The following PARP2 variants were observed in gnomAD, a reference collection of about 807,000 sequenced individuals.
PARP2 encodes the protein poly [ADP-ribose] polymerase 2.
PARP2 carries 57 observed loss-of-function variants against 77.8 expected under a neutral mutation model. The ratio of observed to expected loss-of-function variants is 0.73; its 90% CI spans 0.59 to 0.91. PARP2 has a LOEUF of 0.91. PARP2 is among the 40% of genes least tolerant of loss of function. The pLI is 0.00. For synonymous variants in PARP2, 226 were observed against 242.6 expected (o/e 0.93, Z 0.64); for missense variants, 651 against 689.0 (o/e 0.94, Z 0.62).
chr14:20,354,981 C>A, intron 9 of PARP2, 34 bp downstream of exon 9: 1 of 1,584,768 alleles, frequency 6.3e-7, no homozygotes, highest in Non-Finnish European at 8.6e-7. Flanking sequence ...CTTTGTTCTT[C>A]TACCTATACA....
intron 1 of PARP2, among the ~76,000 whole-genome samples, chr14:20,343,890 T>C (rs1883609121): frequency 6.6e-6 from 1 of 152,234 alleles, no homozygotes; most frequent in Non-Finnish European, 1.5e-5. Flanking sequence ...TGCGGAGCTG[T>C]AACAACTAAT....
chr14:20,345,968 T>C (rs773877987), intron 3 of PARP2, among the ~76,000 whole-genome samples: 6 of 152,106 alleles, frequency 3.9e-5, no homozygotes, highest in Non-Finnish European at 8.8e-5. Flanking sequence ...GTGAATTCAC[T>C]CACTATCAAG....
Position 20,357,388 on chromosome 14 carries a change from C to T in PARP2, c.1429-8C>T, listed in dbSNP as rs1884196652. The T allele has an allele frequency of 3.2e-6, 5 of 1,586,496 alleles. No homozygotes were observed. Among genetic ancestry groups the T allele is most frequent in the East Asian group, 4.5e-5 (2 of 44,710 alleles). ...GATATGGGAATTCAAAGGTTTTTTG[C>T]TTTGCAGGTAGCTCTAGGTCAGTGT... On this transcript the variant is annotated splice_polypyrimidine_tract_variant and splice_region_variant and intron_variant, in intron 14 of 15. Transcript: ENST00000429687.
In PARP2 at chr14:20,355,112, C is replaced by G. The variant is rs560794277; in HGVS notation, c.902+165C>G. ...ATAGGTAGCCTATTTAATCAGCTTA[C>G]AAATATGGGATGCAATCTCCCGGCT... On this transcript the variant is annotated intron_variant, in intron 9 of 15. Coordinates refer to ENST00000429687, the MANE Select transcript of PARP2 (RefSeq NM_001042618.2). 4.4e-5 allele frequency: 27 copies of G among 611,070 alleles called. No homozygotes were observed. In the African/African-American group the frequency reaches 5.1e-4, roughly 11 times the overall value. The allele number at this position is 611,070 out of a possible 1,614,324, so 37.9% of individuals were successfully genotyped here.
Position 20,357,654 on chromosome 14 carries a change from C to T in PARP2, c.1570C>T (p.Pro524Ser). 1 of 1,613,222 alleles carries T rather than the reference C, an allele frequency of 6.2e-7. No individual in the cohort carries two copies. The highest frequency in any genetic ancestry group is 8.5e-7 in the Non-Finnish European group (1 of 1,179,722). Residue 524 changes from proline to serine, a missense_variant, in exon 16 of 16, where the codon CCA (proline) becomes TCA (serine). By Grantham distance (74) the Pro-to-Ser change is moderately conservative. Transcript: ENST00000429687. ...ATTTGGCAGGAATGGGAGTACAGTG[C>T]CATTAGGACCAGCAAGTGACACAGG... ...HFVTLNGSTV[P>S]LGPASDTGIL...
At chr14:20,347,378 A>G (rs1264721009) in intron 4 of PARP2, among the ~76,000 whole-genome samples, 263 of 14,238 alleles carry the variant, frequency 0.018, 16 homozygotes, top group African/African-American at 0.031. Context: ...ATATATATAT[A>G]TATATATATA....
At chr14:20,355,711 C>G in intron 9 of PARP2, 41 bp from the exon 10 acceptor site, 3 of 1,521,950 alleles carry the variant, frequency 2.0e-6, no homozygotes, top group Non-Finnish European at 2.7e-6. Context: ...CTTTTAGCCA[C>G]ATGTCAGAAA....
intron 3 of PARP2, 30 bp downstream of exon 3, chr14:20,345,494 C>T (rs753256820): frequency 1.3e-6 from 2 of 1,531,210 alleles, no homozygotes; most frequent in Non-Finnish European, 1.8e-6. Context: ...ATCTTCAGTC[C>T]ATGGATATCT....
intron 5 of PARP2, 142 bp from the exon 6 acceptor site, chr14:20,350,905 A>G (rs1167182991): frequency 1.5e-6 from 1 of 658,094 alleles, no homozygotes; most frequent in Non-Finnish European, 2.7e-6. Context: ...AGTAACTTGT[A>G]TCAACATGAT....
At chr14:20,350,897 TAACTTGTATC>T in intron 5 of PARP2, 140 bp from the exon 6 acceptor site, 2 of 644,284 alleles carry the variant, frequency 3.1e-6, no homozygotes, top group Non-Finnish European at 5.5e-6. Context: ...AGTTAGCAAG[TAACTTGTATC>T]AACATGATTA....
At chr14:20,355,596 G>T (rs1021891548) in intron 9 of PARP2, 156 bp from the exon 10 acceptor site, 7 of 545,460 alleles carry the variant, frequency 1.3e-5, no homozygotes, top group Non-Finnish European at 2.3e-5. Flanking sequence ...ATATTTGGAA[G>T]TTAAGATCTC....
intron 4 of PARP2, among the ~76,000 whole-genome samples, chr14:20,347,870 CA>C (rs1332342525): frequency 1.9e-4 from 26 of 136,582 alleles, no homozygotes; most frequent in African/African-American, 9.0e-4. Context: ...TCCTTTTGCA[CA>C]TTTTTTTTTT....
chr14:20,356,556 AC>A, intron 12 of PARP2, 33 bp from the exon 13 acceptor site: 1 of 1,598,732 alleles, frequency 6.3e-7, no homozygotes, highest in South Asian at 1.1e-5. Context: ...TCTGTGCAGA[AC>A]AACAGAGTAC....
In PARP2 at chr14:20,351,070, C is replaced by T; in HGVS notation, c.445C>T (p.Leu149=). 6.2e-7 allele frequency: 1 copy of T among 1,614,096 alleles called. No homozygotes were observed. Among genetic ancestry groups the T allele is most frequent in the African/African-American group, 1.3e-5 (1 of 75,052 alleles). ...AGTTGGGAAAATGGGACAGCACAGC[C>T]TGGTGGCTTGTTCAGGCAATCTCAA... is the stretch of plus-strand genomic sequence containing the variant. ...GRVGKMGQHS[L]VACSGNLNKA... is the part of the protein sequence containing the mutation. Residue 149 remains leucine (L), a synonymous_variant, in exon 6 of 16, where the codon CTG becomes TTG. Transcript: ENST00000429687.
chr14:20,357,163 AT>A lies in PARP2; in HGVS notation c.1428+15del. 6.8e-7 allele frequency: 1 copy of A among 1,470,214 alleles called. No homozygotes were observed. The highest frequency in any genetic ancestry group is 9.3e-7 in the Non-Finnish European group (1 of 1,073,744). The allele number at this position is 1,470,214 out of a possible 1,614,324, so 91.1% of individuals were successfully genotyped here. A position where few individuals can be genotyped will look rare whatever the true frequency, so the allele number is the denominator to read the frequency against. On this transcript the variant is annotated intron_variant, in intron 14 of 15. Transcript: ENST00000429687. ...CTCTTATCAGAGGTGAGACAGGAGT[AT>A]GTCTGTGATCTCTAGTTTATTAATT...
In PARP2 at chr14:20,356,664, C is replaced by T; in HGVS notation, c.1304C>T (p.Pro435Leu). Residue 435 changes from proline (P) to leucine (L), a missense_variant, in exon 13 of 16, where the codon CCT becomes CTT. Coordinates refer to ENST00000429687, the MANE Select transcript of PARP2 (RefSeq NM_001042618.2). ...AGCCATGGGCTTCGAATTGCCCCAC[C>T]TGAAGCTCCCATCACAGGTTACATG... Reference protein sequence around the residue: ...ILSHGLRIAPPEAPITGYMFG... With the variant: ...ILSHGLRIAPLEAPITGYMFG... 6.2e-7 allele frequency: 1 copy of T among 1,613,586 alleles called. No homozygotes were observed. The highest frequency in any genetic ancestry group is 1.1e-5 in the South Asian group (1 of 91,074).
intron 9 of PARP2, 106 bp downstream of exon 9, chr14:20,355,053 A>G (rs1760914): frequency 0.063 from 66,999 of 1,065,592 alleles, 3,802 homozygotes; most frequent in African/African-American, 0.22. Flanking sequence ...TAAGAAAATG[A>G]TCGTCTTGAA....
chr14:20,343,663 A>G lies in PARP2; in HGVS notation c.22A>G (p.Ser8Gly). 8 of 1,610,712 alleles carry G rather than the reference A, an allele frequency of 5.0e-6. No individual in the cohort carries two copies. The highest frequency in any genetic ancestry group is 6.8e-6 in the Non-Finnish European group (8 of 1,179,120). Reference protein sequence around the residue: MAARRRRSTGGGRARALN... With the variant: MAARRRRGTGGGRARALN... ...TTCCATGGCGGCGCGGCGGCGACGG[A>G]GCACCGGCGGCGGCAGGGCGAGAGG... The change falls in exon 1 of 16, where the codon AGC (serine) becomes GGC (glycine). Residue 8 changes from serine (S) to glycine (G), a missense_variant. Ser to Gly is a moderately conservative substitution (Grantham distance 56). Coordinates refer to ENST00000429687, the MANE Select transcript of PARP2 (RefSeq NM_001042618.2).
intron 2 of PARP2, 82 bp downstream of exon 2, chr14:20,345,169 T>C (rs763101583): frequency 1.4e-6 from 2 of 1,469,030 alleles, no homozygotes; most frequent in East Asian, 4.5e-5. Flanking sequence ...TTTCAACTCC[T>C]ATTTCGTCCT....
Sources: gnomAD v4.1 joint callset for allele counts (sites outside exome capture counted in the v4.1 genomes callset) on GRCh38, gnomAD v4.1.1 for gene constraint, MANE v1.5 for transcripts, NCBI Gene and HGNC (gene_info 2026-07-23, HGNC 2026-07-21) for gene names.